The following FYB1 variants were observed in gnomAD, a reference collection of about 807,000 sequenced individuals.
FYB1 encodes the protein FYN-binding protein 1.
FYB1 carries 41 observed loss-of-function variants against 94.1 expected under a neutral mutation model. The ratio of observed to expected loss-of-function variants is 0.44; its 90% CI spans 0.34 to 0.57. The LOEUF (loss-of-function observed/expected upper bound fraction) is 0.57. Among genes scored for constraint, FYB1 ranks in the 20% least tolerant of loss-of-function variants. The pLI is 0.02. For synonymous variants in FYB1, 367 were observed against 353.2 expected (o/e 1.04, Z -0.44); for missense variants, 1,050 against 976.8 (o/e 1.07, Z -1.00).
chr5:39,261,337 GACACAC>G (rs57277521), intron 1 of FYB1, among the ~76,000 whole-genome samples: 45 of 133,870 alleles, frequency 3.4e-4, no homozygotes, highest in South Asian at 1.7e-3. Flanking sequence ...TGTAGATTAA[GACACAC>G]ACACACACAC....
intron 14 of FYB1, among the ~76,000 whole-genome samples, chr5:39,121,279 C>A (rs530886283): frequency 1.3e-5 from 2 of 149,894 alleles, no homozygotes; most frequent in East Asian, 3.9e-4. Context: ...CTGAAGATTC[C>A]ATTTTTGTTT....
At chr5:39,173,949 T>A (rs181784444) in intron 2 of FYB1, among the ~76,000 whole-genome samples, 2 of 152,316 alleles carry the variant, frequency 1.3e-5, no homozygotes, top group Admixed American at 1.3e-4. Context: ...TCCAGATGAA[T>A]TTTAGAATAG....
At chr5:39,201,754 T>C (rs1395419975) in intron 2 of FYB1, 72 bp downstream of exon 2, 2 of 1,362,660 alleles carry the variant, frequency 1.5e-6, no homozygotes, top group Non-Finnish European at 2.0e-6. Flanking sequence ...GTTACAAAAC[T>C]TTCCCCAGAA....
intron 3 of FYB1, among the ~76,000 whole-genome samples, chr5:39,151,353 A>T (rs1249582537): frequency 1.3e-5 from 2 of 151,894 alleles, no homozygotes; most frequent in African/African-American, 4.9e-5. Context: ...GCAGTGGCAC[A>T]ATTATGGCTC....
chr5:39,165,985 G>T (rs544176176), intron 2 of FYB1, among the ~76,000 whole-genome samples: 1 of 152,280 alleles, frequency 6.6e-6, no homozygotes, highest in South Asian at 2.1e-4. Context: ...AAGAGATGTG[G>T]GCAAGGATGT....
chr5:39,222,586 G>A (rs1209272518), upstream of FYB1, among the ~76,000 whole-genome samples: 4 of 152,138 alleles, frequency 2.6e-5, no homozygotes, highest in Admixed American at 2.6e-4. Flanking sequence ...AAAACTGAAA[G>A]TTTCATTTGT....
At chr5:39,251,866 C>T (rs1751725343) in intron 1 of FYB1, among the ~76,000 whole-genome samples, 1 of 151,970 alleles carries the variant, frequency 6.6e-6, no homozygotes, top group Non-Finnish European at 1.5e-5. Flanking sequence ...AATATAGGGC[C>T]GGGTGCAGCG....
chr5:39,152,272 A>T (rs1459546470), intron 3 of FYB1, among the ~76,000 whole-genome samples: 1 of 152,190 alleles, frequency 6.6e-6, no homozygotes, highest in East Asian at 1.9e-4. Context: ...ACCCCCAAGA[A>T]AGCATATTAA....
rs1325400212 is a variant in FYB1 at position 39,202,100 on chromosome 5, C to T, written c.861G>A (p.Lys287=). The T allele has an allele frequency of 2.5e-6, 4 of 1,614,054 alleles. No individual in the cohort carries two copies. The highest frequency in any genetic ancestry group is 4.5e-5 in the East Asian group (2 of 44,882). ...KNGEEKKEDR[K]IDAAKNTFQS... The stretch of plus-strand genomic sequence containing the variant: ...GGAAGGTGTTCTTAGCAGCATCTAT[C>T]TTCCTATCTTCCTTTTTTTCTTCAC... Residue 287 remains lysine (K), a synonymous_variant, in exon 2 of 19, where the codon AAG becomes AAA. Transcript: ENST00000512982.
intron 1 of FYB1, among the ~76,000 whole-genome samples, chr5:39,205,882 G>T (rs1035088581): frequency 6.6e-5 from 10 of 152,036 alleles, no homozygotes; most frequent in African/African-American, 2.2e-4. Flanking sequence ...TAGCTCACAG[G>T]GTTTTTGTTT....
intron 2 of FYB1, among the ~76,000 whole-genome samples, chr5:39,187,769 T>G (rs926536801): frequency 2.0e-5 from 3 of 152,176 alleles, no homozygotes; most frequent in Non-Finnish European, 4.4e-5. Context: ...GTTATTCAGA[T>G]TTTCAAAGTC....
intron 1 of FYB1, among the ~76,000 whole-genome samples, chr5:39,264,676 C>T (rs1420120198): frequency 6.6e-6 from 1 of 152,146 alleles, no homozygotes; most frequent in Non-Finnish European, 1.5e-5. Context: ...CTCATTCTCA[C>T]TTTTTGGTGT....
chr5:39,224,609 A>G (rs974562046), intron 1 of FYB1, among the ~76,000 whole-genome samples: 7 of 152,204 alleles, frequency 4.6e-5, no homozygotes, highest in African/African-American at 1.4e-4. Flanking sequence ...TCAGTGCCCA[A>G]ACACATTAGG....
intron 13 of FYB1, 47 bp downstream of exon 13, chr5:39,124,205 CT>C: frequency 7.4e-7 from 1 of 1,349,134 alleles, no homozygotes; most frequent in Non-Finnish European, 1.0e-6. Flanking sequence ...CACTACCACA[CT>C]GCAAGAAATG....
At position 39,106,374 on chromosome 5, in the gene FYB1, AT is replaced by A. The variant is rs1561112770; in HGVS notation, c.*1068del. The A allele has an allele frequency of 1.3e-5, 2 of 152,072 alleles. No homozygotes were observed. Among genetic ancestry groups the A allele is most frequent in the African/African-American group, 4.8e-5 (2 of 41,418 alleles). 9.4% of individuals were successfully genotyped at this position (152,072 alleles called of 1,614,324 possible). ...CATTTTTCATTTTTTAAATCATGCT[AT>A]TTAGTGTTCTTAACATTTGAAACCC... On this transcript the variant is annotated 3_prime_UTR_variant, in exon 19 of 19. Transcript: ENST00000512982.
intron 4 of FYB1, 65 bp downstream of exon 4, chr5:39,141,030 G>T: frequency 8.9e-7 from 1 of 1,128,706 alleles, no homozygotes; most frequent in Non-Finnish European, 1.3e-6. Flanking sequence ...CTATAAGAAT[G>T]AATAGCTCAA....
intron 3 of FYB1, among the ~76,000 whole-genome samples, chr5:39,152,198 C>T (rs900355929): frequency 5.9e-5 from 9 of 152,152 alleles, no homozygotes; most frequent in African/African-American, 2.2e-4. Context: ...AAATGCACAA[C>T]GCAGGTCATA....
At position 39,202,606 on chromosome 5, in the gene FYB1, T is replaced by C; in HGVS notation, c.355A>G (p.Asn119Asp). 1 of 1,613,812 alleles carries C rather than the reference T, an allele frequency of 6.2e-7. No homozygotes were observed. Among genetic ancestry groups the C allele is most frequent in the Non-Finnish European group, 8.5e-7 (1 of 1,179,860 alleles). Residue 119 changes from asparagine (N) to aspartate (D), a missense_variant, in exon 2 of 19, where the codon AAC (asparagine) becomes GAC (aspartate). Coordinates refer to ENST00000512982, the MANE Select transcript of FYB1 (RefSeq NM_001465.6). The part of the protein sequence containing the change: ...FLKPVGPKPI[N>D]LPKEDSKPTF... The stretch of plus-strand genomic sequence containing the variant: ...GGTTTGGAATCTTCTTTGGGCAAGT[T>C]GATGGGCTTGGGGCCTACAGGTTTC...
chr5:39,270,924 ATATG>A (rs1238629716), intron 1 of FYB1: 1 of 125,084 alleles, frequency 8.0e-6, no homozygotes, highest in African/African-American at 4.6e-5. Context: ...TTTTGGATAC[ATATG>A]TGTGTGTGTG....
Sources: allele counts gnomAD v4.1 joint callset (sites outside exome capture counted in the v4.1 genomes callset), GRCh38; gene constraint gnomAD v4.1.1; transcripts MANE v1.5; gene names NCBI Gene and HGNC (gene_info 2026-07-23, HGNC 2026-07-21).